The following WDPCP variants were observed in gnomAD, a reference collection of about 807,000 sequenced individuals.
The protein encoded by WDPCP is WD repeat-containing and planar cell polarity effector protein fritz homolog.
WDPCP carries 71 observed loss-of-function variants against 93.1 expected under a neutral mutation model. The ratio of observed to expected loss-of-function variants is 0.76; its 90% CI spans 0.63 to 0.93. The LOEUF (loss-of-function observed/expected upper bound fraction) is 0.93, where lower values mean the gene tolerates loss of function less well. Ranked by LOEUF, WDPCP falls within the 40% of genes least tolerant of loss-of-function variation. The pLI, the probability that WDPCP is intolerant of heterozygous loss-of-function variation, is 0.00. For missense variants in WDPCP, 844 were observed against 887.4 expected (o/e 0.95, Z 0.62); for synonymous variants, 315 against 315.0 (o/e 1.00, Z 0.00).
intron 8 of WDPCP, among the ~76,000 whole-genome samples, chr2:63,435,989 T>C (rs1044022423): frequency 1.3e-5 from 2 of 152,078 alleles, no homozygotes; most frequent in African/African-American, 4.8e-5. Flanking sequence ...GATGACATCT[T>C]GACAGTTTCT....
chr2:63,314,255 C>T (rs1170832422), intron 12 of WDPCP, among the ~76,000 whole-genome samples: 3 of 151,812 alleles, frequency 2.0e-5, no homozygotes, highest in Admixed American at 6.6e-5. Flanking sequence ...TCGCCTTGAC[C>T]TCCTGGGCTC....
chr2:63,622,875 T>C, intron 3 of WDPCP: 1 of 1,530,824 alleles, frequency 6.5e-7, no homozygotes, highest in Non-Finnish European at 8.9e-7. Context: ...GCATCAGGGG[T>C]GCGGAGCCTG....
At chr2:63,236,959 C>T (rs1679454455) in intron 14 of WDPCP, among the ~76,000 whole-genome samples, 1 of 151,940 alleles carries the variant, frequency 6.6e-6, no homozygotes, top group African/African-American at 2.4e-5. Context: ...AAAGCAATTA[C>T]AACAGTAACA....
At chr2:63,402,803 A>G (rs143903165) in intron 10 of WDPCP, among the ~76,000 whole-genome samples, 1,698 of 152,350 alleles carry the variant, frequency 0.011, 20 homozygotes, top group Middle Eastern at 0.031. Context: ...TTGTGGAAAA[A>G]AGGGAATGCT....
chr2:63,453,062 G>T (rs1326662973), intron 6 of WDPCP, among the ~76,000 whole-genome samples: 4 of 152,170 alleles, frequency 2.6e-5, no homozygotes. Context: ...AACGCCAAAA[G>T]CAATGGCAAC....
In WDPCP at chr2:63,622,312, G is replaced by C. The variant is rs911348169; in HGVS notation, n.488+28347C>G. The C allele has an allele frequency of 1.9e-6, 3 of 1,597,278 alleles. No homozygotes were observed. In the African/African-American group the frequency reaches 4.0e-5, roughly 21 times the overall value. On this transcript the variant is annotated intron_variant and non_coding_transcript_variant, in intron 3 of 4. Coordinates refer to the WDPCP transcript ENST00000467687. ...TTGGCTGTCTCAAGTGTTTTGGAAG[G>C]GGCCTCGCCTTGCAGCTTAGTCAAG...
chr2:63,603,899 T>G (rs578221931), intron 3 of WDPCP, among the ~76,000 whole-genome samples: 3 of 152,262 alleles, frequency 2.0e-5, no homozygotes, highest in Non-Finnish European at 2.9e-5. Flanking sequence ...TCAGGTGATC[T>G]GCCCGCCTTG....
intron 6 of WDPCP, among the ~76,000 whole-genome samples, chr2:63,455,431 T>TACACAC (rs1321107863): frequency 6.7e-6 from 1 of 149,174 alleles, no homozygotes; most frequent in African/African-American, 2.5e-5. Context: ...TATATATATA[T>TACACAC]ATATATATAC....
At chr2:63,740,732 C>T (rs1036676868) in intron 2 of WDPCP, among the ~76,000 whole-genome samples, 1 of 152,122 alleles carries the variant, frequency 6.6e-6, no homozygotes, top group African/African-American at 2.4e-5. Flanking sequence ...TGCTCTTCCT[C>T]AAACCACAAT....
At chr2:63,814,897 G>C (rs1329490104) in intron 1 of WDPCP, among the ~76,000 whole-genome samples, 1 of 152,100 alleles carries the variant, frequency 6.6e-6, no homozygotes, top group Non-Finnish European at 1.5e-5. Flanking sequence ...TTCAGAGGTA[G>C]AACTATTACA....
chr2:63,262,550 A>G (rs1000881687), intron 13 of WDPCP, among the ~76,000 whole-genome samples: 1 of 151,420 alleles, frequency 6.6e-6, no homozygotes, highest in Non-Finnish European at 1.5e-5. Context: ...AAAAAAAAAA[A>G]AAAAAAGAAA....
At chr2:63,338,575 T>A (rs1450968127) in intron 12 of WDPCP, among the ~76,000 whole-genome samples, 3 of 5,478 alleles carry the variant, frequency 5.5e-4, no homozygotes, top group Non-Finnish European at 7.2e-4. Context: ...AAAAAATATA[T>A]ATATATATAT....
chr2:63,714,958 T>G (rs1669313738), intron 2 of WDPCP, among the ~76,000 whole-genome samples: 1 of 152,232 alleles, frequency 6.6e-6, no homozygotes, highest in African/African-American at 2.4e-5. Flanking sequence ...TTGTGATATA[T>G]GTATACGATA....
At chr2:63,743,784 G>T (rs1028552407) in intron 2 of WDPCP, among the ~76,000 whole-genome samples, 3 of 152,052 alleles carry the variant, frequency 2.0e-5, no homozygotes, top group Non-Finnish European at 4.4e-5. Flanking sequence ...ACAACTGATT[G>T]TGATATATTT....
chr2:63,264,462 A>C (rs1681931998), intron 13 of WDPCP, among the ~76,000 whole-genome samples: 1 of 152,170 alleles, frequency 6.6e-6, no homozygotes, highest in South Asian at 2.1e-4. Flanking sequence ...ACACAGTGAA[A>C]CCCCACTATG....
At chr2:63,426,954 A>G (rs1041806584) in intron 9 of WDPCP, among the ~76,000 whole-genome samples, 1 of 152,330 alleles carries the variant, frequency 6.6e-6, no homozygotes, top group Middle Eastern at 3.4e-3. Flanking sequence ...ACATCAGATA[A>G]AACAGACTTT....
At chr2:63,268,159 T>C (rs1205034519) in intron 13 of WDPCP, among the ~76,000 whole-genome samples, 1 of 152,164 alleles carries the variant, frequency 6.6e-6, no homozygotes, top group Non-Finnish European at 1.5e-5. Context: ...TAAGAAAATT[T>C]TTTCATTTGT....
At chr2:63,338,551 TA>T (rs373990599) in intron 12 of WDPCP, among the ~76,000 whole-genome samples, 549 of 25,058 alleles carry the variant, frequency 0.022, 7 homozygotes, top group Middle Eastern at 0.028. Flanking sequence ...AAACTCCATC[TA>T]AAAAAAAAAA....
chr2:63,715,292 G>T (rs142794177), intron 2 of WDPCP, among the ~76,000 whole-genome samples: 13 of 152,214 alleles, frequency 8.5e-5, no homozygotes, highest in African/African-American at 2.9e-4. Context: ...TGCAAATTTT[G>T]CCCCAATAAA....
Sources: gnomAD v4.1 joint callset for allele counts (sites outside exome capture counted in the v4.1 genomes callset) on GRCh38, gnomAD v4.1.1 for gene constraint, MANE v1.5 for transcripts, NCBI Gene and HGNC (gene_info 2026-07-23, HGNC 2026-07-21) for gene names.